Variants in ELP6 observed in about 807,000 individuals in gnomAD.
The protein encoded by ELP6 is elongator acetyltransferase complex subunit 6.
Under a neutral mutation model 28.1 loss-of-function variants are expected in ELP6, and 23 were observed. The observed-to-expected ratio is 0.82, with a 90% confidence interval of 0.59 to 1.16. The LOEUF is 1.16. Ranked by LOEUF, ELP6 falls within the 50% of genes most tolerant of loss-of-function variation. ELP6 has a pLI of 0.00. For synonymous variants in ELP6, 132 were observed against 135.8 expected, an observed-to-expected ratio of 0.97 and a Z score of 0.19; for missense variants, 313 against 334.6, an observed-to-expected ratio of 0.94 and a Z score of 0.50.
chr3:47,511,126 A>G (rs1265841049), intron 2 of ELP6, 22 bp downstream of exon 2: 3 of 1,600,142 alleles, frequency 1.9e-6, no homozygotes, highest in Non-Finnish European at 2.6e-6. Flanking sequence ...TTTCTTTTCT[A>G]CAGCATCAAT....
At chr3:47,497,616 T>C (rs6762177) in intron 6 of ELP6, among the ~76,000 whole-genome samples, 144,979 of 151,188 alleles carry the variant, frequency 0.96, 69,821 homozygotes, top group East Asian at 1. Flanking sequence ...GGATTACAGG[T>C]GTGAGTCTCC....
chr3:47,512,842 G>A (rs2029897403), intron 1 of ELP6: 1 of 978,600 alleles, frequency 1.0e-6, no homozygotes, highest in South Asian at 4.7e-5. Flanking sequence ...TGAAGACGGC[G>A]GCGAAACGAA....
At chr3:47,500,805 A>G (rs1330497095) in intron 5 of ELP6, among the ~76,000 whole-genome samples, 1 of 152,196 alleles carries the variant, frequency 6.6e-6, no homozygotes, top group African/African-American at 2.4e-5. Flanking sequence ...CAGGTGTTCA[A>G]CACACACTGC....
At chr3:47,501,021 A>AG (rs1399329635) in intron 5 of ELP6, among the ~76,000 whole-genome samples, 3 of 152,212 alleles carry the variant, frequency 2.0e-5, no homozygotes, top group Non-Finnish European at 4.4e-5. Flanking sequence ...CCTGTGAGGT[A>AG]GGCACCACAG....
chr3:47,498,227 T>C (rs775116996), intron 6 of ELP6, 59 bp downstream of exon 6: 41 of 1,596,116 alleles, frequency 2.6e-5, no homozygotes, highest in South Asian at 2.0e-4. Context: ...CTCCCCTATG[T>C]AGTCAAGAAT....
At chr3:47,505,544 ACAGGT>A (rs1708807455) in intron 3 of ELP6, among the ~76,000 whole-genome samples, 1 of 152,062 alleles carries the variant, frequency 6.6e-6, no homozygotes, top group Non-Finnish European at 1.5e-5. Context: ...AGCTGGGATT[ACAGGT>A]ATGCACCACC....
intron 3 of ELP6, among the ~76,000 whole-genome samples, chr3:47,506,107 G>A (rs1268551542): frequency 6.6e-6 from 1 of 152,148 alleles, no homozygotes; most frequent in Non-Finnish European, 1.5e-5. Flanking sequence ...GGTAGGTTCC[G>A]TGATGCCCCA....
intron 1 of ELP6, chr3:47,513,052 G>C: frequency 1.0e-6 from 1 of 970,198 alleles, no homozygotes; most frequent in Non-Finnish European, 1.2e-6. Flanking sequence ...GTGCGGTGGC[G>C]AGATCTCGGG....
At chr3:47,501,953 G>C (rs569648909) in intron 4 of ELP6, 102 bp from the exon 5 acceptor site, 53 of 1,090,582 alleles carry the variant, frequency 4.9e-5, no homozygotes, top group Middle Eastern at 4.1e-4. Context: ...ACAAAGAACT[G>C]TATCACAATT....
chr3:47,504,187 G>T, intron 4 of ELP6, 143 bp downstream of exon 4: 1 of 1,023,132 alleles, frequency 9.8e-7, no homozygotes, highest in Non-Finnish European at 1.4e-6. Flanking sequence ...ATTTGATGAT[G>T]CTGCAACACC....
At chr3:47,504,480 C>A (rs759527902) in intron 3 of ELP6, 32 bp from the exon 4 acceptor site, 1 of 1,567,260 alleles carries the variant, frequency 6.4e-7, no homozygotes, top group South Asian at 1.2e-5. Flanking sequence ...AGTTACTATG[C>A]CTTGTAGGGG....
At chr3:47,508,570 A>G (rs1708915858) in intron 3 of ELP6, among the ~76,000 whole-genome samples, 2 of 152,180 alleles carry the variant, frequency 1.3e-5, no homozygotes, top group South Asian at 4.1e-4. Context: ...TGACATGATC[A>G]TATGAATTTG....
Position 47,502,575 on chromosome 3 carries a change from CTGTAAT to C in ELP6, c.324-730_324-725del, listed in dbSNP as rs1363830569. The C allele has an allele frequency of 5.1e-6, 5 of 984,356 alleles. No individual in the cohort carries two copies. The East Asian group carries it at 4.5e-4, about 89-fold the overall frequency. 61.0% of individuals were successfully genotyped at this position (984,356 alleles called of 1,614,324 possible). Reference sequence around the variant, plus strand: ...ACAGGCTGGGCACAGTAGCTCACACCTGTAATCCCAGCACTTTGGGGGGCCAGCGGG... The same window carrying C: ...ACAGGCTGGGCACAGTAGCTCACACCCCCAGCACTTTGGGGGGCCAGCGGG... On this transcript the variant is annotated intron_variant, in intron 4 of 6. Transcript: ENST00000296149.
At chr3:47,499,203 C>G (rs1199281276) in intron 5 of ELP6, among the ~76,000 whole-genome samples, 1 of 152,074 alleles carries the variant, frequency 6.6e-6, no homozygotes, top group Non-Finnish European at 1.5e-5. Context: ...ATAGTGAGAC[C>G]CTGTCTCTAT....
rs72913131 is a variant in ELP6 at position 47,498,890 on chromosome 3, A to G, written c.526-458T>C. 6.3e-3 allele frequency among the ~76,000 whole-genome samples: 959 copies of G among 152,294 alleles called. 7 individuals carry two copies. The highest frequency in any genetic ancestry group is 0.02 in the African/African-American group (839 of 41,556). ...TAAGACCAAGGGAGAGGGAAGCATG[A>G]GGTGTATGGGAGCACAACGAAGAGG... On this transcript the variant is annotated intron_variant, in intron 5 of 6. Coordinates refer to ENST00000296149, the MANE Select transcript of ELP6 (RefSeq NM_001031703.3).
chr3:47,508,153 ACCT>A (rs1436782967), intron 3 of ELP6, among the ~76,000 whole-genome samples: 2 of 152,126 alleles, frequency 1.3e-5, no homozygotes, highest in African/African-American at 4.8e-5. Flanking sequence ...CCATTCTCTC[ACCT>A]CCTCATTTGC....
Position 47,501,803 on chromosome 3 carries a change from C to T in ELP6, c.372G>A (p.Glu124=), listed in dbSNP as rs771566907. The T allele has an allele frequency of 6.2e-7, 1 of 1,614,022 alleles. No individual in the cohort carries two copies. Among genetic ancestry groups the T allele is most frequent in the Non-Finnish European group, 8.5e-7 (1 of 1,180,006 alleles). ...CTCCACTGTCTACTGGCTTCAGGGC[C>T]TCCCGTACAAACTCAAACAATGGTT... ...NLKPLFEFVR[E]ALKPVDSGEA... The change falls in exon 5 of 7, where the codon GAG becomes GAA. Residue 124 remains glutamate, a synonymous_variant. Transcript: ENST00000296149.
Position 47,496,046 on chromosome 3 carries a change from G to A in ELP6, c.*23C>T. The A allele has an allele frequency of 1.2e-6, 2 of 1,613,962 alleles. No individual in the cohort carries two copies. The highest frequency in any genetic ancestry group is 1.7e-6 in the Non-Finnish European group (2 of 1,179,922). On this transcript the variant is annotated 3_prime_UTR_variant, in exon 7 of 7. Coordinates refer to ENST00000296149, the MANE Select transcript of ELP6 (RefSeq NM_001031703.3). ...CCACGTCCAAAAACAGTCCTATGTA[G>A]CTTCAGCTGCTCCGAAATCAGGTCA...
intron 1 of ELP6, chr3:47,512,266 GGCTCAC>G (rs1709036965): frequency 5.8e-6 from 1 of 171,832 alleles, no homozygotes; most frequent in Admixed American, 6.5e-5. Context: ...TGGGCGTGGT[GGCTCAC>G]GCCTGTAATC....
Sources: allele counts gnomAD v4.1 joint callset (sites outside exome capture counted in the v4.1 genomes callset), GRCh38; gene constraint gnomAD v4.1.1; transcripts MANE v1.5; gene names NCBI Gene and HGNC (gene_info 2026-07-23, HGNC 2026-07-21).